The following ABCA13 variants were observed in gnomAD, a reference collection of about 807,000 sequenced individuals.
The protein encoded by ABCA13 is ATP-binding cassette sub-family A member 13.
A neutral mutation model predicts 478.7 loss-of-function variants in ABCA13; 476 were observed. That is an observed-to-expected ratio of 0.99 (90% confidence interval 0.92 to 1.07). ABCA13 has a LOEUF of 1.07. Ranked by LOEUF, ABCA13 falls within the 50% of genes least tolerant of loss-of-function variation. ABCA13 has a pLI of 0.00. For missense variants in ABCA13, 6,060 were observed against 5,910.6 expected (o/e 1.03, Z -0.83); for synonymous variants, 2,252 against 2,158.9 (o/e 1.04, Z -1.20).
intron 1 of ABCA13, among the ~76,000 whole-genome samples, chr7:48,188,906 G>A (rs144027764): frequency 2.3e-3 from 356 of 152,278 alleles, no homozygotes; most frequent in Middle Eastern, 3.4e-3. Context: ...AGTGCCTTGC[G>A]GATGGGAAGC....
intron 42 of ABCA13, among the ~76,000 whole-genome samples, chr7:48,434,570 C>CA (rs1822573748): frequency 1.3e-5 from 2 of 151,950 alleles, no homozygotes; most frequent in Admixed American, 1.3e-4. Flanking sequence ...GTGGCAAACC[C>CA]AAAAAATCAC....
At chr7:48,374,795 G>A (rs151185786) in intron 34 of ABCA13, among the ~76,000 whole-genome samples, 102 of 152,276 alleles carry the variant, frequency 6.7e-4, no homozygotes, top group African/African-American at 2.1e-3. Flanking sequence ...GGAGCAGTCC[G>A]TGGCCTGTTG....
chr7:48,275,109 G>A lies in ABCA13; in HGVS notation c.5443G>A (p.Ala1815Thr), dbSNP rs951446394. Reference sequence around the variant, plus strand: ...AGATAAGCCAGATATTATTTCAGAGGCTTTAGCTTGTTTTCCTGTGGTTTG... The same window carrying A: ...AGATAAGCCAGATATTATTTCAGAGACTTTAGCTTGTTTTCCTGTGGTTTG... Reference protein sequence around the residue: ...VSDKPDIISEALACFPVVWCW... With the variant: ...VSDKPDIISETLACFPVVWCW... Residue 1815 changes from alanine (A) to threonine (T), a missense_variant, in exon 17 of 62, where the codon GCT (alanine) becomes ACT (threonine). By Grantham distance (58) the Ala-to-Thr change is moderately conservative. This residue lies in a region of ABCA13 where 4,423 missense variants were observed against 4,309.1 expected (regional missense o/e 1.03). Transcript: ENST00000435803. 21 of 1,613,292 alleles carry A rather than the reference G, an allele frequency of 1.3e-5. No homozygotes were observed. Among genetic ancestry groups the A allele is most frequent in the Non-Finnish European group, 1.6e-5 (19 of 1,179,644 alleles).
intron 3 of ABCA13, among the ~76,000 whole-genome samples, chr7:48,212,748 T>A (rs1785861330): frequency 6.6e-6 from 1 of 152,186 alleles, no homozygotes; most frequent in Non-Finnish European, 1.5e-5. Flanking sequence ...GGAAAGTGTC[T>A]GTTTAAATAT....
At chr7:48,348,655 T>G (rs1181978239) in intron 29 of ABCA13, among the ~76,000 whole-genome samples, 1 of 152,248 alleles carries the variant, frequency 6.6e-6, no homozygotes. Flanking sequence ...TTAATTGATC[T>G]TATTTACTAA....
At chr7:48,472,191 A>G (rs1239211980) in intron 45 of ABCA13, among the ~76,000 whole-genome samples, 1 of 152,246 alleles carries the variant, frequency 6.6e-6, no homozygotes, top group African/African-American at 2.4e-5. Context: ...AGCCACAATC[A>G]ATAAGCAAGT....
intron 15 of ABCA13, among the ~76,000 whole-genome samples, chr7:48,264,930 C>T (rs1794678208): frequency 6.6e-6 from 1 of 151,500 alleles, no homozygotes; most frequent in South Asian, 2.1e-4. Context: ...AAATTTAGGT[C>T]TATAATTCAT....
intron 16 of ABCA13, among the ~76,000 whole-genome samples, 194 bp downstream of exon 16, chr7:48,269,288 A>G (rs1386884028): frequency 6.6e-6 from 1 of 152,216 alleles, no homozygotes; most frequent in Non-Finnish European, 1.5e-5. Context: ...GTTTAATAGA[A>G]TGTATGACTC....
At chr7:48,242,448 G>C (rs1211150121) in intron 10 of ABCA13, among the ~76,000 whole-genome samples, 1 of 151,476 alleles carries the variant, frequency 6.6e-6, no homozygotes, top group African/African-American at 2.4e-5. Context: ...GTTTTGTTTT[G>C]TTTTGCTTTG....
chr7:48,487,920 A>G (rs1195300584), intron 47 of ABCA13, among the ~76,000 whole-genome samples: 1 of 152,188 alleles, frequency 6.6e-6, no homozygotes, highest in Non-Finnish European at 1.5e-5. Context: ...TTTTCCATCA[A>G]AGGAACTTGG....
intron 15 of ABCA13, among the ~76,000 whole-genome samples, chr7:48,253,945 G>T (rs1056586576): frequency 6.6e-6 from 1 of 151,184 alleles, no homozygotes; most frequent in South Asian, 2.1e-4. Flanking sequence ...GTGTCTGTGT[G>T]TGTGTTCGTG....
chr7:48,558,114 A>G (rs1203674700), intron 55 of ABCA13, among the ~76,000 whole-genome samples: 2 of 147,806 alleles, frequency 1.4e-5, no homozygotes, highest in Admixed American at 6.7e-5. Flanking sequence ...TAGTATGTCA[A>G]TTGTACCTTC....
intron 6 of ABCA13, among the ~76,000 whole-genome samples, chr7:48,227,809 A>C (rs1324925778): frequency 1.3e-5 from 2 of 152,230 alleles, no homozygotes; most frequent in African/African-American, 4.8e-5. Flanking sequence ...TGAGTTTTTC[A>C]CTATTAGAGA....
intron 41 of ABCA13, among the ~76,000 whole-genome samples, chr7:48,417,700 C>G (rs1820214541): frequency 6.6e-6 from 1 of 152,110 alleles, no homozygotes; most frequent in Admixed American, 6.5e-5. Context: ...ACCATCCAGC[C>G]CATTAGGCTT....
intron 6 of ABCA13, among the ~76,000 whole-genome samples, chr7:48,228,897 ATAT>A (rs1416571216): frequency 6.6e-6 from 1 of 152,212 alleles, no homozygotes; most frequent in Non-Finnish European, 1.5e-5. Flanking sequence ...AAATGAGAAG[ATAT>A]TGATGACAGT....
At chr7:48,369,905 AT>A (rs368709552) in intron 32 of ABCA13, among the ~76,000 whole-genome samples, 27 of 148,614 alleles carry the variant, frequency 1.8e-4, no homozygotes, top group South Asian at 8.5e-4. Flanking sequence ...GAATTTTAGG[AT>A]TTTTTTTTTA....
chr7:48,352,660 G>C (rs1809235380), intron 31 of ABCA13, among the ~76,000 whole-genome samples, 173 bp downstream of exon 31: 1 of 151,992 alleles, frequency 6.6e-6, no homozygotes, highest in Non-Finnish European at 1.5e-5. Context: ...GTACTCTTCA[G>C]GTAGAAGAAA....
intron 42 of ABCA13, among the ~76,000 whole-genome samples, chr7:48,452,966 A>C (rs986333063): frequency 6.6e-6 from 1 of 152,194 alleles, no homozygotes; most frequent in Non-Finnish European, 1.5e-5. Context: ...TAACCTCATA[A>C]AATCATCAAG....
chr7:48,357,866 G>C (rs117581536), intron 31 of ABCA13, among the ~76,000 whole-genome samples: 1 of 151,726 alleles, frequency 6.6e-6, no homozygotes, highest in African/African-American at 2.4e-5. Context: ...GTTTTCGGCC[G>C]GGTGTGGTGG....
Sources: allele counts gnomAD v4.1 joint callset (sites outside exome capture counted in the v4.1 genomes callset), GRCh38; gene constraint gnomAD v4.1.1; regional missense constraint gnomAD v4.1.1; transcripts MANE v1.5; gene names NCBI Gene and HGNC (gene_info 2026-07-23, HGNC 2026-07-21).